Variants in TMEM135 observed in about 807,000 individuals in gnomAD.
The protein encoded by TMEM135 is transmembrane protein 135.
Under a neutral mutation model 60.3 loss-of-function variants are expected in TMEM135, and 30 were observed. The ratio of observed to expected loss-of-function variants is 0.50; its 90% CI spans 0.37 to 0.68. TMEM135 has a LOEUF of 0.68. Ranked by LOEUF, TMEM135 falls within the 30% of genes least tolerant of loss-of-function variation. TMEM135 has a pLI of 0.00. For missense variants in TMEM135, 468 were observed against 548.8 expected (o/e 0.85, Z 1.47); for synonymous variants, 190 against 186.7 (o/e 1.02, Z -0.14).
At chr11:87,082,959 C>G (rs1444409139) in intron 3 of TMEM135, among the ~76,000 whole-genome samples, 1 of 152,152 alleles carries the variant, frequency 6.6e-6, no homozygotes, top group Non-Finnish European at 1.5e-5. Context: ...ATACAATATG[C>G]ACTTATCTCT....
intron 6 of TMEM135, among the ~76,000 whole-genome samples, chr11:87,251,377 T>C (rs1941412698): frequency 6.6e-6 from 1 of 152,168 alleles, no homozygotes; most frequent in Non-Finnish European, 1.5e-5. Flanking sequence ...AGAGGCATTA[T>C]AAATACCTTG....
At chr11:87,269,283 T>G in intron 6 of TMEM135, among the ~76,000 whole-genome samples, 1 of 134,146 alleles carries the variant, frequency 7.5e-6, no homozygotes, top group African/African-American at 3.2e-5. Context: ...CTTTAGGGTT[T>G]TTTTTTTTTT....
chr11:87,114,516 G>A (rs532090098), intron 4 of TMEM135, among the ~76,000 whole-genome samples: 11 of 152,236 alleles, frequency 7.2e-5, no homozygotes, highest in African/African-American at 2.4e-4. Context: ...TTGAACAACC[G>A]ATGGAGAATT....
chr11:87,165,285 C>T (rs1358361889), intron 5 of TMEM135, among the ~76,000 whole-genome samples: 7 of 118,074 alleles, frequency 5.9e-5, no homozygotes, highest in African/African-American at 1.6e-4. Context: ...TTTTCTGCAT[C>T]GATTGAGATA....
intron 5 of TMEM135, among the ~76,000 whole-genome samples, chr11:87,175,151 A>T (rs1475138233): frequency 6.6e-6 from 1 of 152,162 alleles, no homozygotes; most frequent in East Asian, 1.9e-4. Flanking sequence ...ATATCTTGAT[A>T]TTTATTTCAG....
chr11:87,068,182 A>G (rs570267036), intron 2 of TMEM135, among the ~76,000 whole-genome samples: 1 of 152,232 alleles, frequency 6.6e-6, no homozygotes, highest in Non-Finnish European at 1.5e-5. Context: ...GGCCACATGC[A>G]GTGAACAAAC....
intron 6 of TMEM135, 34 bp from the exon 7 acceptor site, chr11:87,295,748 G>A (rs1294924743): frequency 1.9e-6 from 3 of 1,558,266 alleles, no homozygotes; most frequent in South Asian, 2.4e-5. Context: ...CTCAAAATAT[G>A]TTATTTTATG....
At chr11:87,187,872 T>A (rs1486321698) in intron 5 of TMEM135, among the ~76,000 whole-genome samples, 1 of 152,232 alleles carries the variant, frequency 6.6e-6, no homozygotes. Flanking sequence ...AGAATATTAC[T>A]TATGCCTGGC....
At chr11:87,192,232 G>A (rs1484410510) in intron 5 of TMEM135, among the ~76,000 whole-genome samples, 2 of 150,090 alleles carry the variant, frequency 1.3e-5, no homozygotes. Flanking sequence ...TTCGTGATCC[G>A]CCCAACTTGG....
chr11:87,144,375 A>G (rs1293743764), intron 4 of TMEM135, among the ~76,000 whole-genome samples: 3 of 152,196 alleles, frequency 2.0e-5, no homozygotes, highest in African/African-American at 7.2e-5. Flanking sequence ...CTCTGTTGCA[A>G]CTATTCAATT....
intron 8 of TMEM135, among the ~76,000 whole-genome samples, chr11:87,303,377 C>A (rs1428639179): frequency 6.6e-6 from 1 of 152,176 alleles, no homozygotes; most frequent in Non-Finnish European, 1.5e-5. Flanking sequence ...TGGAAAAATT[C>A]TCTTCCGTGA....
intron 1 of TMEM135, among the ~76,000 whole-genome samples, chr11:87,049,102 G>A (rs12223811): frequency 0.13 from 488 of 3,840 alleles, 76 homozygotes; most frequent in East Asian, 0.39. Flanking sequence ...ATACTTTATA[G>A]ACAAGCAAAT....
At chr11:87,188,696 C>G (rs1939713666) in intron 5 of TMEM135, among the ~76,000 whole-genome samples, 1 of 73,718 alleles carries the variant, frequency 1.4e-5, no homozygotes, top group African/African-American at 5.4e-5. Context: ...AAGAGTGAAA[C>G]TCAGTCTCAA....
intron 5 of TMEM135, among the ~76,000 whole-genome samples, chr11:87,174,148 A>G (rs1433901337): frequency 6.6e-6 from 1 of 152,160 alleles, no homozygotes; most frequent in East Asian, 1.9e-4. Context: ...ACTGAGATTG[A>G]TGAGACACTG....
chr11:87,077,229 A>G (rs1422874257), intron 3 of TMEM135, among the ~76,000 whole-genome samples: 1 of 152,248 alleles, frequency 6.6e-6, no homozygotes, highest in Non-Finnish European at 1.5e-5. Flanking sequence ...AAATGGAATG[A>G]TGCAATGTAT....
At chr11:87,213,785 G>T (rs578034702) in intron 5 of TMEM135, among the ~76,000 whole-genome samples, 13 of 152,194 alleles carry the variant, frequency 8.5e-5, no homozygotes, top group African/African-American at 3.1e-4. Context: ...TTCAATCAGC[G>T]TTGAATAGAA....
At chr11:87,067,588 T>A (rs1856691479) in intron 1 of TMEM135, 106 bp from the exon 2 acceptor site, 76 of 1,465,442 alleles carry the variant, frequency 5.2e-5, no homozygotes, top group Non-Finnish European at 7.1e-5. Flanking sequence ...CCAGCATTTT[T>A]ACTTTAACTT....
chr11:87,137,574 T>C (rs1938135991), intron 4 of TMEM135, among the ~76,000 whole-genome samples: 13 of 152,188 alleles, frequency 8.5e-5, no homozygotes, highest in Admixed American at 8.5e-4. Context: ...TATTTGGTAT[T>C]ATCCCCATTT....
intron 5 of TMEM135, among the ~76,000 whole-genome samples, chr11:87,224,738 C>G (rs1017025134): frequency 6.7e-6 from 1 of 149,470 alleles, no homozygotes; most frequent in East Asian, 2.0e-4. Flanking sequence ...TCTCCTTCTC[C>G]GTATGCTGAA....
Sources: allele counts gnomAD v4.1 joint callset (sites outside exome capture counted in the v4.1 genomes callset), GRCh38; gene constraint gnomAD v4.1.1; transcripts MANE v1.5; gene names NCBI Gene and HGNC (gene_info 2026-07-23, HGNC 2026-07-21).